Variants in SAMD3 observed in about 807,000 individuals in gnomAD.
The protein encoded by SAMD3 is sterile alpha motif domain-containing protein 3.
A neutral mutation model predicts 58.5 loss-of-function variants in SAMD3; 63 were observed. That is an observed-to-expected ratio of 1.08 (90% confidence interval 0.88 to 1.33). SAMD3 has a LOEUF of 1.33. SAMD3 is among the 40% of genes most tolerant of loss of function. The probability of loss-of-function intolerance (pLI) is 0.00; values close to 1 mark genes in which losing one functional copy is unlikely to be tolerated. For synonymous variants in SAMD3, 220 were observed against 210.3 expected (o/e 1.05, Z -0.40); for missense variants, 604 against 608.4 (o/e 0.99, Z 0.08).
At chr6:130,212,938 C>T (rs1482692847) in intron 4 of SAMD3, among the ~76,000 whole-genome samples, 2 of 152,118 alleles carry the variant, frequency 1.3e-5, no homozygotes, top group African/African-American at 2.4e-5. Context: ...TGTTCAAGAG[C>T]GTCCTTTTTT....
At chr6:130,151,545 G>A (rs937888345) in intron 9 of SAMD3, among the ~76,000 whole-genome samples, 1 of 152,032 alleles carries the variant, frequency 6.6e-6, no homozygotes, top group Admixed American at 6.6e-5. Flanking sequence ...AGGTTCAAGC[G>A]ATTCTCCTGC....
intron 8 of SAMD3, among the ~76,000 whole-genome samples, chr6:130,165,079 C>T (rs1190795906): frequency 1.3e-5 from 2 of 152,040 alleles, no homozygotes; most frequent in Non-Finnish European, 2.9e-5. Context: ...AATAGAACTA[C>T]TAGAAAGATG....
At chr6:130,247,339 C>T (rs73605903) in intron 2 of SAMD3, among the ~76,000 whole-genome samples, 2,950 of 151,990 alleles carry the variant, frequency 0.019, 94 homozygotes, top group African/African-American at 0.067. Flanking sequence ...GTATGGTGCA[C>T]ACCTGTAAAC....
intron 9 of SAMD3, among the ~76,000 whole-genome samples, chr6:130,150,351 A>C (rs2114562206): frequency 6.6e-6 from 1 of 152,284 alleles, no homozygotes; most frequent in East Asian, 1.9e-4. Flanking sequence ...CATCCAGCAT[A>C]CAGTGCAGTT....
At chr6:130,178,454 A>G (rs138301921) in intron 7 of SAMD3, among the ~76,000 whole-genome samples, 1 of 152,058 alleles carries the variant, frequency 6.6e-6, no homozygotes, top group Admixed American at 6.5e-5. Context: ...AGAAAGTGGT[A>G]AGTCGCCAAA....
At chr6:130,182,640 G>GAGGA (rs746725885) in intron 7 of SAMD3, among the ~76,000 whole-genome samples, 4 of 148,806 alleles carry the variant, frequency 2.7e-5, no homozygotes, top group East Asian at 2.0e-4. Context: ...GGAGGGGAGG[G>GAGGA]AGGAAGGAAG....
At chr6:130,248,949 T>C (rs1046214603) in intron 2 of SAMD3, among the ~76,000 whole-genome samples, 1 of 152,184 alleles carries the variant, frequency 6.6e-6, no homozygotes, top group Non-Finnish European at 1.5e-5. Context: ...AGAAATATCA[T>C]CTGTGTTTGT....
At chr6:130,158,898 G>A (rs1790036837) in intron 8 of SAMD3, among the ~76,000 whole-genome samples, 1 of 152,154 alleles carries the variant, frequency 6.6e-6, no homozygotes, top group South Asian at 2.1e-4. Context: ...ACCAATCAGT[G>A]GCTGAAGTTA....
At chr6:130,277,222 T>A (rs1774807159) in intron 2 of SAMD3, among the ~76,000 whole-genome samples, 1 of 152,220 alleles carries the variant, frequency 6.6e-6, no homozygotes, top group Non-Finnish European at 1.5e-5. Context: ...GGCCTTTCAT[T>A]AGTTTTACAC....
At chr6:130,238,843 G>A (rs1582991962) in intron 2 of SAMD3, among the ~76,000 whole-genome samples, 1 of 152,054 alleles carries the variant, frequency 6.6e-6, no homozygotes, top group Non-Finnish European at 1.5e-5. Context: ...ACTGCAACCT[G>A]TGCCTCCTGG....
At chr6:130,162,052 G>C in intron 8 of SAMD3, 1 of 496,776 alleles carries the variant, frequency 2.0e-6, no homozygotes, top group South Asian at 3.3e-5. Flanking sequence ...TCACCTTTGA[G>C]ATGTGTGACT....
chr6:130,334,256 A>C (rs1484133502), intron 1 of SAMD3, among the ~76,000 whole-genome samples: 2 of 152,204 alleles, frequency 1.3e-5, no homozygotes, highest in Non-Finnish European at 2.9e-5. Context: ...AGGGAAACAC[A>C]TTTAAACAAA....
At chr6:130,202,125 A>G (rs917299311) in intron 5 of SAMD3, among the ~76,000 whole-genome samples, 2 of 152,236 alleles carry the variant, frequency 1.3e-5, no homozygotes, top group Admixed American at 6.5e-5. Context: ...TAAAGACTTA[A>G]TAATACTGTC....
At chr6:130,279,487 C>CTTT (rs397886882) in intron 2 of SAMD3, among the ~76,000 whole-genome samples, 18 of 123,374 alleles carry the variant, frequency 1.5e-4, no homozygotes, top group African/African-American at 4.0e-4. Context: ...TCAATTAAAC[C>CTTT]TTTTTTTTTT....
intron 1 of SAMD3, among the ~76,000 whole-genome samples, chr6:130,344,425 A>G (rs1777377510): frequency 6.6e-6 from 1 of 152,154 alleles, no homozygotes. Context: ...TCTGTCGCCC[A>G]GGCTGGAGTG....
intron 2 of SAMD3, among the ~76,000 whole-genome samples, chr6:130,284,839 A>G (rs1775101844): frequency 6.6e-6 from 1 of 152,236 alleles, no homozygotes; most frequent in South Asian, 2.1e-4. Context: ...CAAAATATAT[A>G]TGCCTCCAAC....
At chr6:130,299,090 T>C (rs565126304) in intron 2 of SAMD3, among the ~76,000 whole-genome samples, 17 of 152,260 alleles carry the variant, frequency 1.1e-4, no homozygotes, top group Non-Finnish European at 2.2e-4. Context: ...TGGACTTAAA[T>C]TGGACTCTTG....
chr6:130,253,664 T>G (rs1384855485), intron 2 of SAMD3, among the ~76,000 whole-genome samples: 1 of 152,242 alleles, frequency 6.6e-6, no homozygotes, highest in Non-Finnish European at 1.5e-5. Flanking sequence ...CCTTTTAAAG[T>G]AAATATCAAT....
chr6:130,349,030 C>T (rs8189382), intron 1 of SAMD3, among the ~76,000 whole-genome samples: 28,599 of 151,372 alleles, frequency 0.19, 2,972 homozygotes, highest in East Asian at 0.36. Flanking sequence ...TTGAAACCAA[C>T]GAGAACAAAG....
Sources: gnomAD v4.1 joint callset for allele counts (sites outside exome capture counted in the v4.1 genomes callset) on GRCh38, gnomAD v4.1.1 for gene constraint, MANE v1.5 for transcripts, NCBI Gene and HGNC (gene_info 2026-07-23, HGNC 2026-07-21) for gene names.